Variants in BCAT1 observed in about 807,000 individuals in gnomAD.
BCAT1 encodes the protein branched chain amino acid transaminase 1.
Under a neutral mutation model 52.4 loss-of-function variants are expected in BCAT1, and 48 were observed. The ratio of observed to expected loss-of-function variants is 0.92; its 90% CI spans 0.73 to 1.16. The LOEUF is 1.16. Ranked by LOEUF, BCAT1 falls within the 50% of genes most tolerant of loss-of-function variation. The probability of loss-of-function intolerance (pLI) is 0.00; values close to 1 mark genes in which losing one functional copy is unlikely to be tolerated. For missense variants in BCAT1, 451 were observed against 457.1 expected, an observed-to-expected ratio of 0.99 and a Z score of 0.12; for synonymous variants, 167 against 161.3, an observed-to-expected ratio of 1.04 and a Z score of -0.27.
At chr12:24,887,649 C>T (rs1942721236) in intron 3 of BCAT1, among the ~76,000 whole-genome samples, 1 of 152,180 alleles carries the variant, frequency 6.6e-6, no homozygotes, top group South Asian at 2.1e-4. Context: ...ATCTGGATGG[C>T]AAATATGAGC....
chr12:24,938,752 G>A (rs184317452), intron 1 of BCAT1, among the ~76,000 whole-genome samples: 2 of 152,228 alleles, frequency 1.3e-5, no homozygotes, highest in East Asian at 3.9e-4. Context: ...CTGCTTAAAT[G>A]TCACCTCCCA....
intron 1 of BCAT1, among the ~76,000 whole-genome samples, chr12:24,912,492 C>T (rs1943343498): frequency 6.6e-6 from 1 of 152,072 alleles, no homozygotes; most frequent in Admixed American, 6.5e-5. Context: ...TGCACTCCAG[C>T]CTGGGTGACA....
At chr12:24,890,799 T>C (rs1942817053) in intron 3 of BCAT1, among the ~76,000 whole-genome samples, 1 of 152,028 alleles carries the variant, frequency 6.6e-6, no homozygotes, top group South Asian at 2.1e-4. Flanking sequence ...GTCTACGGAG[T>C]AGCCATTCTT....
At chr12:24,834,181 C>T (rs1940823622) in intron 8 of BCAT1, 2 of 978,878 alleles carry the variant, frequency 2.0e-6, no homozygotes, top group Non-Finnish European at 2.4e-6. Context: ...CTGAAATACT[C>T]ATTATTTTTA....
chr12:24,908,189 C>T (rs1045629229), intron 1 of BCAT1, among the ~76,000 whole-genome samples: 3 of 152,152 alleles, frequency 2.0e-5, no homozygotes, highest in African/African-American at 7.2e-5. Flanking sequence ...CTTTCTTCTT[C>T]CTTTTTTCCT....
chr12:24,824,004 T>G (rs373219520), intron 10 of BCAT1, among the ~76,000 whole-genome samples: 2 of 152,326 alleles, frequency 1.3e-5, no homozygotes, highest in South Asian at 4.1e-4. Flanking sequence ...TTTCAGTCAC[T>G]TTCAGGTTTG....
At chr12:24,909,123 G>C (rs1273506742) in intron 1 of BCAT1, among the ~76,000 whole-genome samples, 1 of 152,088 alleles carries the variant, frequency 6.6e-6, no homozygotes, top group African/African-American at 2.4e-5. Flanking sequence ...TATTATGTGA[G>C]AGAAACCTTA....
chr12:24,811,634 G>A lies in BCAT1; in HGVS notation c.*6374C>T, dbSNP rs1001573018. 6.6e-6 allele frequency: 1 copy of A among 152,062 alleles called. No individual in the cohort carries two copies. Among genetic ancestry groups the A allele is most frequent in the African/African-American group, 2.4e-5 (1 of 41,426 alleles). 9.4% of individuals were successfully genotyped at this position (152,062 alleles called of 1,614,324 possible). ...ACATTTCCATTATTACACTTTTAGT[G>A]AGCTAAAATCCTTTTAACATAGCCT... On this transcript the variant is annotated 3_prime_UTR_variant, in exon 11 of 11. Transcript: ENST00000261192.
chr12:24,925,216 G>T (rs945586164), intron 1 of BCAT1, among the ~76,000 whole-genome samples: 1 of 152,168 alleles, frequency 6.6e-6, no homozygotes, highest in Non-Finnish European at 1.5e-5. Flanking sequence ...CAAAAAAGAC[G>T]GAGGTTTCCT....
At chr12:24,862,386 C>A (rs1489069788) in intron 5 of BCAT1, among the ~76,000 whole-genome samples, 2 of 152,188 alleles carry the variant, frequency 1.3e-5, no homozygotes, top group Non-Finnish European at 2.9e-5. Context: ...CCTGACACTG[C>A]CCCTCCCTTT....
At chr12:24,898,949 T>C (rs11047696) in intron 2 of BCAT1, among the ~76,000 whole-genome samples, 25,222 of 152,226 alleles carry the variant, frequency 0.17, 2,195 homozygotes, top group Middle Eastern at 0.27. Context: ...TGTGCATTAT[T>C]CTTACTCCAT....
At chr12:24,939,773 G>T (rs1176139746) in intron 1 of BCAT1, among the ~76,000 whole-genome samples, 2 of 152,198 alleles carry the variant, frequency 1.3e-5, no homozygotes, top group African/African-American at 2.4e-5. Flanking sequence ...GCTGGAGATT[G>T]CAGTGAGCTG....
chr12:24,933,774 TGA>T (rs953520033), intron 1 of BCAT1, among the ~76,000 whole-genome samples: 4 of 151,868 alleles, frequency 2.6e-5, no homozygotes, highest in Non-Finnish European at 4.4e-5. Context: ...CTCTCTCTAA[TGA>T]GAGAGAGGGG....
At chr12:24,856,827 A>C (rs1941699609) in intron 5 of BCAT1, among the ~76,000 whole-genome samples, 1 of 152,204 alleles carries the variant, frequency 6.6e-6, no homozygotes, top group Non-Finnish European at 1.5e-5. Flanking sequence ...GGTCAGTTAC[A>C]AACTTTTCTG....
chr12:24,844,792 G>C (rs1941286349), intron 6 of BCAT1, among the ~76,000 whole-genome samples: 5 of 150,414 alleles, frequency 3.3e-5, no homozygotes, highest in Admixed American at 3.3e-4. Flanking sequence ...AGCTACTCGG[G>C]AGGCTGAGGC....
At position 24,832,819 on chromosome 12, in the gene BCAT1, C is replaced by G. The variant is rs1417480923; in HGVS notation, c.948G>C (p.Leu316Phe). ...VSERYLTMDDLTTALEGNRVR... is the reference protein window; with the variant it reads ...VSERYLTMDDFTTALEGNRVR... Reference sequence around the variant, plus strand: ...CTCTGTTCCCCTCCAGGGCTGTTGTCAAGTCATCCATGGTGAGGTATCTCT... The same window carrying G: ...CTCTGTTCCCCTCCAGGGCTGTTGTGAAGTCATCCATGGTGAGGTATCTCT... The change falls in exon 9 of 11, where the codon TTG becomes TTC. Residue 316 changes from leucine (L) to phenylalanine (F), a missense_variant. Coordinates refer to ENST00000261192, the MANE Select transcript of BCAT1 (RefSeq NM_005504.7). 1 of 1,612,352 alleles carries G rather than the reference C, an allele frequency of 6.2e-7. No homozygotes were observed. The highest frequency in any genetic ancestry group is 1.7e-5 in the Admixed American group (1 of 59,808).
At chr12:24,910,732 GT>G (rs1943309811) in intron 1 of BCAT1, among the ~76,000 whole-genome samples, 1 of 152,136 alleles carries the variant, frequency 6.6e-6, no homozygotes, top group Admixed American at 6.5e-5. Flanking sequence ...GATCAAAATT[GT>G]GTCACCCACT....
rs1203979207 is a variant in BCAT1 at position 24,891,191 on chromosome 12, C to T, written c.279+3084G>A. On this transcript the variant is annotated intron_variant, in intron 3 of 10. Coordinates refer to ENST00000261192, the MANE Select transcript of BCAT1 (RefSeq NM_005504.7). ...CCTAGGTCAGCACATAAGAAGGCTG[C>T]CTACTCTGTGACTGCCATCCTGAGG... Among the ~76,000 whole-genome samples, 11 of 152,138 alleles carry T rather than the reference C, an allele frequency of 7.2e-5. No individual in the cohort carries two copies. In the East Asian group the frequency reaches 2.1e-3, roughly 29 times the overall value.
intron 9 of BCAT1, among the ~76,000 whole-genome samples, chr12:24,831,815 C>A (rs1940679188): frequency 6.6e-6 from 1 of 152,046 alleles, no homozygotes; most frequent in Admixed American, 6.5e-5. Flanking sequence ...AGTTAGATGC[C>A]AATGTTAATC....
Sources: allele counts gnomAD v4.1 joint callset (sites outside exome capture counted in the v4.1 genomes callset), GRCh38; gene constraint gnomAD v4.1.1; transcripts MANE v1.5; gene names NCBI Gene and HGNC (gene_info 2026-07-23, HGNC 2026-07-21).